C9: variants seen among roughly 807,000 people sequenced by gnomAD.
C9 encodes the protein complement component C9.
In C9, 63 loss-of-function variants were observed where a neutral mutation model predicts 65.4. The ratio of observed to expected loss-of-function variants is 0.96; its 90% CI spans 0.79 to 1.19. The LOEUF (loss-of-function observed/expected upper bound fraction) is 1.19, where lower values mean the gene tolerates loss of function less well. Among genes scored for constraint, C9 ranks in the 50% most tolerant of loss-of-function variants. The probability of loss-of-function intolerance (pLI) is 0.00; values close to 1 mark genes in which losing one functional copy is unlikely to be tolerated. For missense variants in C9, 744 were observed against 670.1 expected (o/e 1.11, Z -1.22); for synonymous variants, 229 against 227.9 (o/e 1.00, Z -0.04).
intron 5 of C9, among the ~76,000 whole-genome samples, chr5:39,318,620 A>G (rs1262761542): frequency 6.6e-6 from 1 of 151,310 alleles, no homozygotes; most frequent in African/African-American, 2.4e-5. Flanking sequence ...CTTGTTATAT[A>G]AGTGGTTCAG....
chr5:39,290,899 GCAGCC>G (rs559941466), intron 9 of C9, among the ~76,000 whole-genome samples: 62 of 152,046 alleles, frequency 4.1e-4, no homozygotes, highest in African/African-American at 1.4e-3. Flanking sequence ...GGCAGAAACT[GCAGCC>G]CAGTTTGGAT....
chr5:39,336,510 G>A (rs899908061), intron 4 of C9, among the ~76,000 whole-genome samples: 4 of 151,956 alleles, frequency 2.6e-5, no homozygotes, highest in African/African-American at 9.7e-5. Context: ...CCATATATAG[G>A]TATCTTAAAT....
intron 4 of C9, among the ~76,000 whole-genome samples, chr5:39,338,830 ACT>A (rs1754016424): frequency 1.3e-5 from 2 of 152,024 alleles, no homozygotes; most frequent in Non-Finnish European, 2.9e-5. Flanking sequence ...TCATTATGAA[ACT>A]CTCTGACAAA....
At chr5:39,297,482 T>A (rs1467266416) in intron 9 of C9, among the ~76,000 whole-genome samples, 1 of 151,634 alleles carries the variant, frequency 6.6e-6, no homozygotes, top group Non-Finnish European at 1.5e-5. Context: ...AACTATATAC[T>A]GTCTACAAGA....
rs144790835 is a variant in C9, at chr5:39,294,348, C to T, written c.1417-5397G>A. Among the ~76,000 whole-genome samples the T allele has an allele frequency of 4.8e-4, 73 of 151,348 alleles. 1 individual carries two copies. Among genetic ancestry groups the T allele is most frequent in the African/African-American group, 1.8e-3 (73 of 41,388 alleles). On this transcript the variant is annotated intron_variant, in intron 9 of 10. Coordinates refer to ENST00000263408, the MANE Select transcript of C9 (RefSeq NM_001737.5). ...GACTAAGAAAAAGAAAAAAGAAGCC[C>T]CAAATAAATAAAATCAGATACAAAA...
In C9 at chr5:39,341,254, T is replaced by C. The variant is rs1284861941; in HGVS notation, c.368A>G (p.Asn123Ser). 6.2e-7 allele frequency: 1 copy of C among 1,614,198 alleles called. No individual in the cohort carries two copies. Among genetic ancestry groups the C allele is most frequent in the Non-Finnish European group, 8.5e-7 (1 of 1,180,030 alleles). ...CTCATCTGAAAAGTCTCCGCAGTCA[T>C]TGTCACCATTACACCGAAGTCGCAT... ...IKMRLRCNGD[N>S]DCGDFSDEDD... is the part of the protein sequence containing the mutation. Residue 123 changes from asparagine to serine, a missense_variant, in exon 4 of 11, where the codon AAT (asparagine) becomes AGT (serine). Physicochemically the swap from Asn to Ser is conservative, Grantham distance 46 (BLOSUM62 1). Coordinates refer to ENST00000263408, the MANE Select transcript of C9 (RefSeq NM_001737.5).
At chr5:39,306,883 C>A in intron 8 of C9, 91 bp from the exon 9 acceptor site, 1 of 853,672 alleles carries the variant, frequency 1.2e-6, no homozygotes, top group Non-Finnish European at 2.0e-6. Context: ...TTTATTGAGT[C>A]CTTTTAGTAA....
intron 4 of C9, among the ~76,000 whole-genome samples, chr5:39,334,551 C>T (rs1456288650): frequency 4.7e-5 from 7 of 148,682 alleles, no homozygotes; most frequent in South Asian, 2.1e-4. Context: ...CCAGCCGCCC[C>T]GTCCGGGAGG....
At chr5:39,347,606 T>C (rs1220956264) in intron 1 of C9, among the ~76,000 whole-genome samples, 1 of 152,134 alleles carries the variant, frequency 6.6e-6, no homozygotes, top group Non-Finnish European at 1.5e-5. Context: ...CAAGGTAATT[T>C]ATAGATTCAA....
At chr5:39,364,310 A>T (rs1754576638) in intron 1 of C9, 78 bp downstream of exon 1, 1 of 797,696 alleles carries the variant, frequency 1.3e-6, no homozygotes, top group Non-Finnish European at 2.3e-6. Flanking sequence ...ATTGTCATGT[A>T]CTTTGCTGCT....
intron 2 of C9, 143 bp from the exon 3 acceptor site, chr5:39,341,843 A>G (rs1579871531): frequency 7.3e-6 from 6 of 826,004 alleles, no homozygotes; most frequent in Non-Finnish European, 1.2e-5. Context: ...GATGTTATTT[A>G]GGGTAACACT....
At chr5:39,343,064 T>A (rs1419417128) in intron 1 of C9, among the ~76,000 whole-genome samples, 1 of 152,170 alleles carries the variant, frequency 6.6e-6, no homozygotes, top group Non-Finnish European at 1.5e-5. Flanking sequence ...AAAGGCTAGC[T>A]GAACAGGAAC....
At position 39,343,699 on chromosome 5, in the gene C9, G is replaced by T. The variant is rs536248032; in HGVS notation, c.78-1503C>A. 2.7e-3 allele frequency among the ~76,000 whole-genome samples: 414 copies of T among 152,342 alleles called. 1 individual carries two copies. Among genetic ancestry groups the T allele is most frequent in the Non-Finnish European group, 4.1e-3 (282 of 68,028 alleles). On this transcript the variant is annotated intron_variant, in intron 1 of 10. Coordinates refer to ENST00000263408, the MANE Select transcript of C9 (RefSeq NM_001737.5). ...TAGTGGTTCTCCCAGCATGGAGTTT[G>T]AGATCTGAGAATGGACAGACTGCCT... is the stretch of plus-strand genomic sequence containing the variant.
intron 9 of C9, among the ~76,000 whole-genome samples, chr5:39,300,618 C>G (rs910633938): frequency 6.6e-5 from 10 of 151,424 alleles, no homozygotes; most frequent in African/African-American, 2.2e-4. Context: ...AAAATTGAGG[C>G]AGAAAACATT....
chr5:39,346,992 C>G (rs898811653), intron 1 of C9, among the ~76,000 whole-genome samples: 1 of 152,184 alleles, frequency 6.6e-6, no homozygotes, highest in Non-Finnish European at 1.5e-5. Flanking sequence ...TAAAAACTCT[C>G]TATAAATTAG....
intron 1 of C9, 44 bp downstream of exon 1, chr5:39,364,344 C>A (rs1464237071): frequency 1.8e-6 from 2 of 1,087,406 alleles, no homozygotes; most frequent in Non-Finnish European, 1.4e-6. Context: ...GATGCTAATC[C>A]TACAGGAAAC....
intron 4 of C9, among the ~76,000 whole-genome samples, chr5:39,333,993 C>T (rs1287785293): frequency 1.6e-4 from 25 of 152,132 alleles, no homozygotes; most frequent in African/African-American, 5.6e-4. Context: ...CTGCCTTGGC[C>T]CCCCAAAGTG....
At position 39,331,737 on chromosome 5, in the gene C9, C is replaced by G. The variant is rs1335945040; in HGVS notation, c.554G>C (p.Arg185Pro). The G allele has an allele frequency of 1.9e-6, 3 of 1,613,420 alleles. No individual in the cohort carries two copies. Among genetic ancestry groups the G allele is most frequent in the Non-Finnish European group, 2.5e-6 (3 of 1,179,482 alleles). The change falls in exon 5 of 11, where the codon CGG becomes CCG. Residue 185 changes from arginine (R) to proline (P), a missense_variant. Arg to Pro is a moderately radical substitution (Grantham distance 103). Transcript: ENST00000263408. The stretch of plus-strand genomic sequence containing the variant: ...GTAGTATGTCAGAGTGTTTCCATCC[C>G]GATCCCGGTTACAGAGTCCATTGTA... The part of the protein sequence containing the change: ...EFYNGLCNRD[R>P]DGNTLTYYRR...
At chr5:39,328,993 A>T (rs2111923718) in intron 5 of C9, among the ~76,000 whole-genome samples, 1 of 152,282 alleles carries the variant, frequency 6.6e-6, no homozygotes, top group South Asian at 2.1e-4. Flanking sequence ...CATTTTGCAA[A>T]TTTTTGTTCA....
Sources: gnomAD v4.1 joint callset for allele counts (sites outside exome capture counted in the v4.1 genomes callset) on GRCh38, gnomAD v4.1.1 for gene constraint, MANE v1.5 for transcripts, NCBI Gene and HGNC (gene_info 2026-07-23, HGNC 2026-07-21) for gene names.